The following MRTFB variants were observed in gnomAD, a reference collection of about 807,000 sequenced individuals.
MRTFB encodes the protein myocardin-related transcription factor B.
MRTFB carries 29 observed loss-of-function variants against 104.2 expected under a neutral mutation model. The ratio of observed to expected loss-of-function variants is 0.28; its 90% CI spans 0.21 to 0.38. The LOEUF is 0.38. Ranked by LOEUF, MRTFB falls within the 10% of genes least tolerant of loss-of-function variation. The pLI is 1.00. For missense variants in MRTFB, 1,270 were observed against 1,341.6 expected, an observed-to-expected ratio of 0.95 and a Z score of 0.83; for synonymous variants, 535 against 519.5, an observed-to-expected ratio of 1.03 and a Z score of -0.41.
intron 2 of MRTFB, among the ~76,000 whole-genome samples, chr16:14,137,402 A>G (rs2037775417): frequency 6.6e-6 from 1 of 152,180 alleles, no homozygotes; most frequent in African/African-American, 2.4e-5. Flanking sequence ...ATTCTTCAGT[A>G]TGAAGAACAG....
chr16:14,261,102 G>A lies in MRTFB; in HGVS notation c.2958G>A (p.Leu986=), dbSNP rs1213838574. The A allele has an allele frequency of 1.2e-6, 2 of 1,614,178 alleles. No homozygotes were observed. The highest frequency in any genetic ancestry group is 1.1e-5 in the South Asian group (1 of 91,084). ...TAGAGAACCAACTAGAAGCTTTCTT[G>A]GATGGAACTTTACCCTCAGCCAATG... ...ASLENQLEAF[L]DGTLPSANEI... Residue 986 remains leucine (L), a synonymous_variant, in exon 17 of 17, where the codon TTG becomes TTA. Coordinates refer to ENST00000571589, the MANE Select transcript of MRTFB (RefSeq NM_001308142.2).
chr16:14,071,112 C>T (rs539559409), upstream of MRTFB, among the ~76,000 whole-genome samples: 15 of 152,260 alleles, frequency 9.9e-5, no homozygotes, highest in Non-Finnish European at 1.8e-4. Flanking sequence ...GAGGCGGCCG[C>T]CTCGCACCTG....
intron 3 of MRTFB, chr16:14,142,802 C>T (rs920653101): frequency 6.6e-6 from 1 of 152,142 alleles, no homozygotes; most frequent in Non-Finnish European, 1.5e-5. Context: ...TGGTCATTTA[C>T]AGGAAAAGTT....
At chr16:14,244,243 T>TTTAATA (rs1411353138) in intron 10 of MRTFB, among the ~76,000 whole-genome samples, 1 of 151,948 alleles carries the variant, frequency 6.6e-6, no homozygotes, top group Non-Finnish European at 1.5e-5. Context: ...GTTGTTGTTG[T>TTTAATA]TTAATATTTC....
intron 11 of MRTFB, 41 bp downstream of exon 11, chr16:14,245,701 CA>C (rs771163741): frequency 3.2e-6 from 5 of 1,583,850 alleles, no homozygotes; most frequent in Admixed American, 3.8e-5. Flanking sequence ...CTAAGTACCA[CA>C]AACATGTAAA....
chr16:14,175,709 C>G (rs899992116), intron 3 of MRTFB, among the ~76,000 whole-genome samples: 2 of 152,016 alleles, frequency 1.3e-5, no homozygotes, highest in African/African-American at 4.8e-5. Context: ...TGAAAACTAC[C>G]CAGATGTTCA....
At chr16:14,140,843 T>A in intron 3 of MRTFB, 83 bp downstream of exon 3, 1 of 1,561,292 alleles carries the variant, frequency 6.4e-7, no homozygotes, top group African/African-American at 1.3e-5. Flanking sequence ...TTGGTAGTAA[T>A]ATTTTGGTCA....
intron 3 of MRTFB, among the ~76,000 whole-genome samples, chr16:14,206,464 G>C (rs965356081): frequency 1.3e-5 from 2 of 152,238 alleles, no homozygotes; most frequent in African/African-American, 2.4e-5. Context: ...ATACCTATAT[G>C]ATCTGTACTT....
intron 3 of MRTFB, chr16:14,186,782 G>A (rs1484960735): frequency 6.5e-7 from 1 of 1,527,224 alleles, no homozygotes; most frequent in South Asian, 1.2e-5. Context: ...AGACATAATT[G>A]GCCAGTGATT....
At chr16:14,070,468 GCT>G (rs1448320254), upstream of MRTFB, among the ~76,000 whole-genome samples, 1 of 152,144 alleles carries the variant, frequency 6.6e-6, no homozygotes, top group African/African-American at 2.4e-5. Context: ...ATTCCATCAT[GCT>G]CTCTACCAGC....
upstream of MRTFB, among the ~76,000 whole-genome samples, chr16:14,070,049 G>A (rs1388187716): frequency 2.0e-5 from 3 of 152,192 alleles, no homozygotes; most frequent in African/African-American, 7.2e-5. Flanking sequence ...GCATGGGCAG[G>A]CCAGCACTTG....
At chr16:14,248,673 C>T in intron 12 of MRTFB, 1 of 366,572 alleles carries the variant, frequency 2.7e-6, no homozygotes, top group Non-Finnish European at 4.9e-6. Context: ...TTTCCATTTT[C>T]TCAAAATTTT....
At chr16:14,208,808 G>A (rs576537882) in intron 3 of MRTFB, among the ~76,000 whole-genome samples, 3 of 152,122 alleles carry the variant, frequency 2.0e-5, no homozygotes, top group Non-Finnish European at 4.4e-5. Flanking sequence ...TTCTGTTAGC[G>A]CACAATTGAT....
the MRTFB span, among the ~76,000 whole-genome samples, chr16:14,027,588 G>C: frequency 3.9e-5 from 6 of 152,208 alleles, no homozygotes; most frequent in East Asian, 1.9e-4. Flanking sequence ...TATTGTATCA[G>C]TGTCTGTTTC....
intron 3 of MRTFB, among the ~76,000 whole-genome samples, chr16:14,176,602 A>G (rs942898316): frequency 6.6e-6 from 1 of 152,224 alleles, no homozygotes; most frequent in African/African-American, 2.4e-5. Context: ...CACAGAACCC[A>G]TTGAACAAAG....
At chr16:14,033,068 C>G in the MRTFB span, among the ~76,000 whole-genome samples, 1 of 151,912 alleles carries the variant, frequency 6.6e-6, no homozygotes, top group Non-Finnish European at 1.5e-5. Flanking sequence ...TAGAAAATGA[C>G]AGATAGCTGG....
chr16:14,227,615 G>T (rs1391087754), intron 8 of MRTFB, among the ~76,000 whole-genome samples: 3 of 152,082 alleles, frequency 2.0e-5, no homozygotes, highest in Non-Finnish European at 4.4e-5. Context: ...AGGTTCAAGG[G>T]ATTCTCCTGC....
At chr16:14,123,722 T>G (rs2036966984) in intron 2 of MRTFB, among the ~76,000 whole-genome samples, 1 of 152,198 alleles carries the variant, frequency 6.6e-6, no homozygotes, top group African/African-American at 2.4e-5. Context: ...GCTTTGTTCT[T>G]TTTGCTTAGG....
chr16:14,007,088 A>G, the MRTFB span, among the ~76,000 whole-genome samples: 11 of 152,210 alleles, frequency 7.2e-5, no homozygotes, highest in African/African-American at 2.4e-4. Context: ...CAAGTCACCA[A>G]TTTAAAATGT....
Sources: allele counts gnomAD v4.1 joint callset (sites outside exome capture counted in the v4.1 genomes callset), GRCh38; gene constraint gnomAD v4.1.1; transcripts MANE v1.5; gene names NCBI Gene and HGNC (gene_info 2026-07-23, HGNC 2026-07-21).